Variants in CLMN observed in about 807,000 individuals in gnomAD.
CLMN encodes the protein calmin (calponin-like, transmembrane).
CLMN carries 57 observed loss-of-function variants against 92.7 expected under a neutral mutation model. That is an observed-to-expected ratio of 0.61 (90% confidence interval 0.50 to 0.77). The LOEUF (loss-of-function observed/expected upper bound fraction) is 0.77. CLMN is among the 30% of genes least tolerant of loss of function. CLMN has a pLI of 0.00. For missense variants in CLMN, 1,158 were observed against 1,237.5 expected (o/e 0.94, Z 0.96); for synonymous variants, 466 against 470.6 (o/e 0.99, Z 0.13).
chr14:95,227,947 T>G lies in CLMN; in HGVS notation c.144+2125A>C, dbSNP rs549669462. ...GTCTCAAGGTTGGAAACGTGGCTGTTAATTTTGCCCTGTTTATTAGACATC... is the reference window on the plus strand; with the variant it reads ...GTCTCAAGGTTGGAAACGTGGCTGTGAATTTTGCCCTGTTTATTAGACATC... On this transcript the variant is annotated intron_variant, in intron 2 of 12. Transcript: ENST00000298912. Among the ~76,000 whole-genome samples the G allele has an allele frequency of 2.6e-5, 4 of 152,334 alleles. No individual in the cohort carries two copies. The South Asian group carries it at 8.3e-4, about 32-fold the overall frequency.
chr14:95,240,424 C>A (rs1349627433), intron 1 of CLMN, among the ~76,000 whole-genome samples: 1 of 152,118 alleles, frequency 6.6e-6, no homozygotes, highest in African/African-American at 2.4e-5. Context: ...AACAAAATCC[C>A]ACACAACCCT....
At chr14:95,258,867 GTGTA>G (rs764869400) in intron 1 of CLMN, among the ~76,000 whole-genome samples, 1 of 147,594 alleles carries the variant, frequency 6.8e-6, no homozygotes, top group East Asian at 2.0e-4. Context: ...TGTGTGGTAT[GTGTA>G]TGTATCTGTG....
intron 1 of CLMN, among the ~76,000 whole-genome samples, chr14:95,251,099 T>C (rs1327247649): frequency 6.6e-6 from 1 of 152,186 alleles, no homozygotes; most frequent in Non-Finnish European, 1.5e-5. Flanking sequence ...CCATGTGGTA[T>C]GGAATACGCA....
Position 95,191,383 on chromosome 14 carries a change from T to G in CLMN, c.*181A>C. Reference sequence around the variant, plus strand: ...GCCAAAGAAAAAAGCATGCTCAGGTTGTCCAGAAAAAAAAGGAAACCTGAA... The same window carrying G: ...GCCAAAGAAAAAAGCATGCTCAGGTGGTCCAGAAAAAAAAGGAAACCTGAA... On this transcript the variant is annotated 3_prime_UTR_variant, in exon 13 of 13. Coordinates refer to ENST00000298912, the MANE Select transcript of CLMN (RefSeq NM_024734.4). The surrounding 1 kb of genome is among the most constrained non-coding windows in gnomAD (Gnocchi z 5.3). 1 of 448,886 alleles carries G rather than the reference T, an allele frequency of 2.2e-6. No individual in the cohort carries two copies. Among genetic ancestry groups the G allele is most frequent in the Non-Finnish European group, 3.8e-6 (1 of 260,052 alleles). 27.8% of individuals were successfully genotyped at this position (448,886 alleles called of 1,614,324 possible). A position where few individuals can be genotyped will look rare whatever the true frequency, so the allele number is the denominator to read the frequency against.
Position 95,202,963 on chromosome 14 carries a change from G to A in CLMN, c.2386C>T (p.Gln796Ter). Residue 796 changes from glutamine (Q) to a stop codon, truncating the protein, a stop_gained, in exon 9 of 13, where the codon CAG becomes TAG. Coordinates refer to ENST00000298912, the MANE Select transcript of CLMN (RefSeq NM_024734.4). LOFTEE classifies it high-confidence loss of function. ...PGESLPSASD[Q>*]VLYLSRGGVG... Reference sequence around the variant, plus strand: ...CCACCCCTGCTGAGATACAGCACCTGGTCGCTGGCACTGGGGAGGCTCTCT... The same window carrying A: ...CCACCCCTGCTGAGATACAGCACCTAGTCGCTGGCACTGGGGAGGCTCTCT... The A allele has an allele frequency of 1.2e-6, 2 of 1,614,062 alleles. No individual in the cohort carries two copies. Among genetic ancestry groups the A allele is most frequent in the Non-Finnish European group, 1.7e-6 (2 of 1,179,988 alleles).
rs142691315 is a variant in CLMN at position 95,290,997 on chromosome 14, T to C, written c.82+28714A>G. On this transcript the variant is annotated intron_variant, in intron 1 of 12. Coordinates refer to ENST00000298912, the MANE Select transcript of CLMN (RefSeq NM_024734.4). ...ACGTGCTTGCCAGGAACGCAGCTGC[T>C]GATGCTGCTATGATTATTAATATCC... Among the ~76,000 whole-genome samples the C allele has an allele frequency of 2.2e-3, 340 of 152,354 alleles. 1 individual carries two copies. Among genetic ancestry groups the C allele is most frequent in the South Asian group, 0.012 (57 of 4,826 alleles).
chr14:95,204,483 CAAACAAACAAAA>C lies in CLMN; in HGVS notation c.886-32_886-21del. 6.6e-7 allele frequency: 1 copy of C among 1,524,208 alleles called. No homozygotes were observed. The highest frequency in any genetic ancestry group is 2.3e-5 in the East Asian group (1 of 43,724). The allele number at this position is 1,524,208 out of a possible 1,614,324, so 94.4% of individuals were successfully genotyped here. On this transcript the variant is annotated intron_variant, in intron 8 of 12. Transcript: ENST00000298912. ...ATCTTCCTGCAAAAAAAAACAAAAACAAACAAACAAAAAAAAACAAAAGAACAACAACAAAAA... is the reference window on the plus strand; with the variant it reads ...ATCTTCCTGCAAAAAAAAACAAAAACAAAAACAAAAGAACAACAACAAAAA...
chr14:95,296,304 T>C (rs1279510943), intron 1 of CLMN: 1 of 152,228 alleles, frequency 6.6e-6, no homozygotes, highest in Non-Finnish European at 1.5e-5. Context: ...CCCTCAATAA[T>C]GACACTAATC....
chr14:95,234,596 C>T (rs948019909), intron 1 of CLMN, among the ~76,000 whole-genome samples: 1 of 152,214 alleles, frequency 6.6e-6, no homozygotes, highest in Non-Finnish European at 1.5e-5. Flanking sequence ...AAATCGCCAT[C>T]CCTGGCTCTG....
rs927325479 is a variant in CLMN at position 95,306,013 on chromosome 14, G to A, written c.82+13698C>T. Among the ~76,000 whole-genome samples the A allele has an allele frequency of 2.0e-5, 3 of 152,252 alleles. No individual in the cohort carries two copies. In the South Asian group the frequency reaches 6.2e-4, roughly 32 times the overall value. On this transcript the variant is annotated intron_variant, in intron 1 of 12. Transcript: ENST00000298912. Reference sequence around the variant, plus strand: ...AATTCTCAGTAAATCTACCACCCAGGCACTCTCTCTCAGGAAGGATGTGCT... The same window carrying A: ...AATTCTCAGTAAATCTACCACCCAGACACTCTCTCTCAGGAAGGATGTGCT...
chr14:95,213,780 C>G (rs1897258334), intron 5 of CLMN, among the ~76,000 whole-genome samples: 1 of 152,142 alleles, frequency 6.6e-6, no homozygotes, highest in African/African-American at 2.4e-5. Flanking sequence ...ATTGCTTCTG[C>G]TCATCCTGCC....
At chr14:95,263,770 T>C (rs149716419) in intron 1 of CLMN, among the ~76,000 whole-genome samples, 285 of 152,258 alleles carry the variant, frequency 1.9e-3, no homozygotes, top group African/African-American at 6.1e-3. Flanking sequence ...GTGCCTCAAT[T>C]TTCTGGAAAA....
At chr14:95,271,203 C>A (rs561808680) in intron 1 of CLMN, among the ~76,000 whole-genome samples, 1 of 152,334 alleles carries the variant, frequency 6.6e-6, no homozygotes, top group East Asian at 1.9e-4. Context: ...ATTGTGGATA[C>A]AGTCCCTTAT....
Position 95,245,344 on chromosome 14 carries a change from T to C in CLMN, c.83-15211A>G, listed in dbSNP as rs558147128. 7.3e-4 allele frequency among the ~76,000 whole-genome samples: 99 copies of C among 135,574 alleles called. 1 individual carries two copies. In the South Asian group the frequency reaches 0.013, roughly 18 times the overall value. 88.9% of individuals were successfully genotyped at this position (135,574 alleles called of 152,430 possible). A position where few individuals can be genotyped will look rare whatever the true frequency, so the allele number is the denominator to read the frequency against. On this transcript the variant is annotated intron_variant, in intron 1 of 12. Coordinates refer to ENST00000298912, the MANE Select transcript of CLMN (RefSeq NM_024734.4). ...AAGCTACCTCAAATGTCCAAGAATG[T>C]AGAGTATAATAATGAACAAGTGAAC...
intron 1 of CLMN, among the ~76,000 whole-genome samples, chr14:95,313,703 G>A (rs1020575247): frequency 1.3e-5 from 2 of 151,596 alleles, no homozygotes; most frequent in African/African-American, 2.4e-5. Context: ...ATGGGAACAG[G>A]GAGTTCACTT....
At chr14:95,263,150 T>C (rs959603083) in intron 1 of CLMN, among the ~76,000 whole-genome samples, 3 of 152,084 alleles carry the variant, frequency 2.0e-5, no homozygotes, top group African/African-American at 7.2e-5. Context: ...TGACTCACAG[T>C]TCAGTATGGC....
At chr14:95,296,829 T>C (rs1351183344) in intron 1 of CLMN, among the ~76,000 whole-genome samples, 1 of 152,224 alleles carries the variant, frequency 6.6e-6, no homozygotes, top group Admixed American at 6.5e-5. Context: ...TGTTTTGCTT[T>C]ACAACAATGT....
rs539891976 is a variant in CLMN at position 95,261,379 on chromosome 14, C to G, written c.83-31246G>C. 1.1e-4 allele frequency among the ~76,000 whole-genome samples: 16 copies of G among 152,328 alleles called. No individual in the cohort carries two copies. The South Asian group carries it at 2.3e-3, about 22-fold the overall frequency. Reference sequence around the variant, plus strand: ...GAAAGACGAGCACTGATTGTGGAGACACAAATACATTTCAGAGAGTGGGTG... The same window carrying G: ...GAAAGACGAGCACTGATTGTGGAGAGACAAATACATTTCAGAGAGTGGGTG... On this transcript the variant is annotated intron_variant, in intron 1 of 12. Transcript: ENST00000298912.
At chr14:95,279,399 G>T (rs1470656359) in intron 1 of CLMN, among the ~76,000 whole-genome samples, 1 of 152,194 alleles carries the variant, frequency 6.6e-6, no homozygotes, top group Admixed American at 6.5e-5. Flanking sequence ...GGGACATATG[G>T]AGTTAGCCAT....
Sources: gnomAD v4.1 joint callset for allele counts (sites outside exome capture counted in the v4.1 genomes callset) on GRCh38, gnomAD v4.1.1 for gene constraint, Gnocchi (gnomAD v3.1) non-coding constraint, MANE v1.5 for transcripts, NCBI Gene and HGNC (gene_info 2026-07-23, HGNC 2026-07-21) for gene names.